The following SMARCA4 variants were observed in gnomAD, a reference collection of about 807,000 sequenced individuals.
SMARCA4 encodes the protein SWI/SNF related BAF chromatin remodeling complex subunit ATPase 4, also known as SWI/SNF-related matrix-associated actin-dependent regulator of chromatin subfamily A member 4.
Under a neutral mutation model 193.9 loss-of-function variants are expected in SMARCA4, and 31 were observed. That is an observed-to-expected ratio of 0.16 (90% CI 0.12 to 0.22). The LOEUF (loss-of-function observed/expected upper bound fraction) is 0.22, where lower values mean the gene tolerates loss of function less well. Among genes scored for constraint, SMARCA4 ranks in the 10% least tolerant of loss-of-function variants. The probability of loss-of-function intolerance (pLI) is 1.00; values close to 1 mark genes in which losing one functional copy is unlikely to be tolerated. For missense variants in SMARCA4, 1,148 were observed against 2,296.0 expected (o/e 0.50, Z 10.22); for synonymous variants, 942 against 933.1 (o/e 1.01, Z -0.17).
intron 8 of SMARCA4, among the ~76,000 whole-genome samples, chr19:10,992,420 A>ATTTTT (rs927402603): frequency 2.5e-5 from 3 of 118,546 alleles, no homozygotes; most frequent in Non-Finnish European, 5.3e-5. Flanking sequence ...CCTGGCCAAC[A>ATTTTT]TTTTTTTTTT....
In SMARCA4 at chr19:11,003,355, G is replaced by C. The variant is rs757029847; in HGVS notation, c.1959G>C (p.Pro653=). The change falls in exon 13 of 35, where the codon CCG becomes CCC. Residue 653 remains proline, a synonymous_variant. Transcript: ENST00000344626. ...TTTTTTCTAGGTATGAAGTAGCTCC[G>C]AGGTCTGATAGTGAAGAAAGTGGCT... The part of the protein sequence containing the change: ...LEMNPGYEVA[P]RSDSEESGSE... 1 of 1,613,944 alleles carries C rather than the reference G, an allele frequency of 6.2e-7. No homozygotes were observed. The highest frequency in any genetic ancestry group is 1.3e-5 in the African/African-American group (1 of 74,930).
chr19:11,000,803 G>A (rs186481972), intron 11 of SMARCA4, among the ~76,000 whole-genome samples: 21 of 151,182 alleles, frequency 1.4e-4, no homozygotes, highest in Admixed American at 1.1e-3. Context: ...ACTTAAACCC[G>A]GGAGGCGGAT....
intron 1 of SMARCA4, among the ~76,000 whole-genome samples, chr19:10,981,869 T>C (rs1434399450): frequency 6.6e-6 from 1 of 151,964 alleles, no homozygotes. Flanking sequence ...ACTCCTATGG[T>C]CCCAGCTACT....
Position 10,986,818 on chromosome 19 carries a change from C to T in SMARCA4, c.761-87C>T. On this transcript the variant is annotated intron_variant, in intron 4 of 34. Transcript: ENST00000344626. This position sits in a 1 kb window ranked among gnomAD's most constrained non-coding sequence, Gnocchi z 6.7. Reference sequence around the variant, plus strand: ...TGGTTAATAGGTGTATCTGCTGTGTCCCCTGGAGCCAGGGCTGCCCACGGG... The same window carrying T: ...TGGTTAATAGGTGTATCTGCTGTGTTCCCTGGAGCCAGGGCTGCCCACGGG... 1 of 1,299,170 alleles carries T rather than the reference C, an allele frequency of 7.7e-7. No individual in the cohort carries two copies. Among genetic ancestry groups the T allele is most frequent in the Non-Finnish European group, 1.1e-6 (1 of 899,906 alleles). The allele number at this position is 1,299,170 out of a possible 1,614,324, so 80.5% of individuals were successfully genotyped here.
chr19:11,003,249 CT>C, intron 12 of SMARCA4, 90 bp downstream of exon 12: 1 of 1,606,376 alleles, frequency 6.2e-7, no homozygotes, highest in Non-Finnish European at 8.5e-7. Context: ...AGCAATTTTA[CT>C]TCTGTTTGAA....
chr19:10,972,403 C>T (rs2084746535), intron 1 of SMARCA4, among the ~76,000 whole-genome samples: 1 of 145,624 alleles, frequency 6.9e-6, no homozygotes, highest in Non-Finnish European at 1.5e-5. Context: ...GCCCTGAATA[C>T]TTTTTTTTTT....
intron 1 of SMARCA4, among the ~76,000 whole-genome samples, chr19:10,975,040 G>A (rs77973732): frequency 8.1e-5 from 3 of 37,192 alleles, no homozygotes; most frequent in Admixed American, 6.7e-4. Context: ...TTTTTTTTTT[G>A]AGACAGGGTC....
intron 1 of SMARCA4, among the ~76,000 whole-genome samples, chr19:10,981,227 G>C (rs933373940): frequency 1.3e-5 from 2 of 152,136 alleles, no homozygotes; most frequent in Admixed American, 6.5e-5. Context: ...CCAGAGGGGA[G>C]CGCCAAGGAG....
intron 23 of SMARCA4, among the ~76,000 whole-genome samples, chr19:11,027,065 A>G (rs554317335): frequency 1.7e-3 from 262 of 152,314 alleles, no homozygotes; most frequent in Non-Finnish European, 2.6e-3. Flanking sequence ...CTGTGTCTAG[A>G]TTTTCACCAT....
At chr19:11,014,351 C>T (rs1450514726) in intron 16 of SMARCA4, among the ~76,000 whole-genome samples, 1 of 152,212 alleles carries the variant, frequency 6.6e-6, no homozygotes, top group Non-Finnish European at 1.5e-5. Flanking sequence ...GTGAGGACCC[C>T]AGAACCCTCC....
At chr19:11,007,781 T>G in intron 13 of SMARCA4, 121 bp from the exon 14 acceptor site, 1 of 896,148 alleles carries the variant, frequency 1.1e-6, no homozygotes, top group East Asian at 2.4e-5. Context: ...CATTCCAGGA[T>G]AGGTAGAGGG....
At chr19:11,020,224 C>T (rs2089738013) in intron 18 of SMARCA4, among the ~76,000 whole-genome samples, 2 of 152,170 alleles carry the variant, frequency 1.3e-5, no homozygotes, top group Non-Finnish European at 2.9e-5. Context: ...GAAGCCTCTT[C>T]TGGGACGAAA....
intron 11 of SMARCA4, among the ~76,000 whole-genome samples, chr19:11,001,657 T>TGTGACC (rs201815122): frequency 0.069 from 10,434 of 152,120 alleles, 400 homozygotes; most frequent in South Asian, 0.11. Context: ...AAGAGGTTGC[T>TGTGACC]CTTATGGTGG....
At chr19:11,015,734 C>T (rs549162288) in intron 16 of SMARCA4, among the ~76,000 whole-genome samples, 55 of 152,216 alleles carry the variant, frequency 3.6e-4, no homozygotes, top group Middle Eastern at 3.4e-3. Context: ...TAGCTGGGCG[C>T]GGTGGCTCAC....
intron 30 of SMARCA4, among the ~76,000 whole-genome samples, chr19:11,048,390 A>G (rs969696312): frequency 1.3e-5 from 2 of 152,080 alleles, no homozygotes; most frequent in Non-Finnish European, 2.9e-5. Context: ...CACCACCATC[A>G]TGCCTGGCCG....
intron 16 of SMARCA4, among the ~76,000 whole-genome samples, chr19:11,017,320 T>A (rs1424408083): frequency 6.6e-6 from 1 of 152,236 alleles, no homozygotes; most frequent in Non-Finnish European, 1.5e-5. Context: ...ACCTCCAGAT[T>A]GCAGTCAGAT....
intron 1 of SMARCA4, among the ~76,000 whole-genome samples, chr19:10,974,191 C>T (rs149792897): frequency 4.4e-4 from 67 of 152,254 alleles, no homozygotes; most frequent in Middle Eastern, 6.8e-3. Flanking sequence ...CCTGCCCTGC[C>T]TGGGGCTGGT....
At position 11,041,116 on chromosome 19, in the gene SMARCA4, G is replaced by C. The variant is rs369255842; in HGVS notation, c.4171-191G>C. ...TGGGGTGCCTGCTGGGGGCAGTGCT[G>C]GTCTTTCACTGCAGCCCAGGCACCC... On this transcript the variant is annotated intron_variant, in intron 29 of 34. Coordinates refer to ENST00000344626, the MANE Select transcript of SMARCA4 (RefSeq NM_003072.5). The surrounding 1 kb of genome is among the most constrained non-coding windows in gnomAD (Gnocchi z 5.6). The C allele has an allele frequency of 1.6e-6, 1 of 624,426 alleles. No individual in the cohort carries two copies. The highest frequency in any genetic ancestry group is 1.8e-5 in the African/African-American group (1 of 54,624). 38.7% of individuals were successfully genotyped at this position (624,426 alleles called of 1,614,324 possible).
chr19:10,965,784 G>A (rs2084165278), intron 1 of SMARCA4, among the ~76,000 whole-genome samples: 1 of 152,004 alleles, frequency 6.6e-6, no homozygotes, highest in African/African-American at 2.4e-5. Context: ...AAACGTATGG[G>A]AAAAATACAG....
Sources: allele counts gnomAD v4.1 joint callset (sites outside exome capture counted in the v4.1 genomes callset), GRCh38; gene constraint gnomAD v4.1.1; non-coding constraint Gnocchi (gnomAD v3.1); transcripts MANE v1.5; gene names NCBI Gene and HGNC (gene_info 2026-07-23, HGNC 2026-07-21).